Variants in NECTIN3 observed in about 807,000 individuals in gnomAD.
The protein encoded by NECTIN3 is nectin-3.
A neutral mutation model predicts 49.4 loss-of-function variants in NECTIN3; 8 were observed. That is an observed-to-expected ratio of 0.16 (90% CI 0.10 to 0.29). The LOEUF is 0.29. NECTIN3 is among the 10% of genes least tolerant of loss of function. The probability of loss-of-function intolerance (pLI) is 1.00; values close to 1 mark genes in which losing one functional copy is unlikely to be tolerated. For synonymous variants in NECTIN3, 277 were observed against 241.1 expected, an observed-to-expected ratio of 1.15 and a Z score of -1.38; for missense variants, 581 against 654.6, an observed-to-expected ratio of 0.89 and a Z score of 1.23.
At chr3:111,103,174 G>A (rs902452003) in intron 1 of NECTIN3, among the ~76,000 whole-genome samples, 1 of 152,086 alleles carries the variant, frequency 6.6e-6, no homozygotes, top group African/African-American at 2.4e-5. Flanking sequence ...TTTGTTGCTA[G>A]CCACAAAATA....
intron 2 of NECTIN3, among the ~76,000 whole-genome samples, chr3:111,116,879 A>T (rs947803480): frequency 6.6e-6 from 1 of 152,070 alleles, no homozygotes; most frequent in Non-Finnish European, 1.5e-5. Flanking sequence ...TGGTGAGTAT[A>T]TGGACCAGCA....
intron 6 of NECTIN3, among the ~76,000 whole-genome samples, chr3:111,147,038 A>G (rs934894986): frequency 1.3e-5 from 2 of 152,192 alleles, no homozygotes; most frequent in Non-Finnish European, 2.9e-5. Flanking sequence ...AACATTTCTC[A>G]TGACACTTTG....
Position 111,143,003 on chromosome 3 carries a change from C to T in NECTIN3, c.1001-1896C>T, listed in dbSNP as rs1382072. Reference sequence around the variant, plus strand: ...GTGCCACTGACTAGAGATGTATGACCTTGGTCAAATTGCATAACCTTAATA... The same window carrying T: ...GTGCCACTGACTAGAGATGTATGACTTTGGTCAAATTGCATAACCTTAATA... On this transcript the variant is annotated intron_variant, in intron 5 of 8. Coordinates refer to the NECTIN3 transcript ENST00000493615. 5.1e-3 allele frequency among the ~76,000 whole-genome samples: 777 copies of T among 151,860 alleles called. 15 individuals are homozygous for T. Among genetic ancestry groups the T allele is most frequent in the East Asian group, 0.044 (229 of 5,178 alleles).
intron 4 of NECTIN3, among the ~76,000 whole-genome samples, chr3:111,125,357 A>G (rs1250864577): frequency 2.6e-5 from 4 of 151,916 alleles, no homozygotes; most frequent in Non-Finnish European, 4.4e-5. Context: ...CCAAAAACAA[A>G]CAAACAAAAA....
intron 1 of NECTIN3, among the ~76,000 whole-genome samples, chr3:111,081,823 C>T (rs897708484): frequency 6.6e-6 from 1 of 152,114 alleles, no homozygotes; most frequent in Non-Finnish European, 1.5e-5. Context: ...GTGACTCAAG[C>T]ATGAACTTTA....
intron 1 of NECTIN3, among the ~76,000 whole-genome samples, chr3:111,084,475 A>G (rs1379078483): frequency 6.6e-6 from 1 of 152,230 alleles, no homozygotes; most frequent in Non-Finnish European, 1.5e-5. Flanking sequence ...ACTGTGAAAG[A>G]CTAGCCGATA....
chr3:111,131,921 A>G (rs764925048), intron 5 of NECTIN3, among the ~76,000 whole-genome samples: 42 of 152,004 alleles, frequency 2.8e-4, no homozygotes, highest in Middle Eastern at 3.4e-3. Context: ...TGCTGATGCC[A>G]GTTTATTATA....
intron 1 of NECTIN3, among the ~76,000 whole-genome samples, chr3:111,081,299 A>G (rs1199474817): frequency 6.6e-6 from 1 of 151,966 alleles, no homozygotes; most frequent in East Asian, 2.0e-4. Context: ...AACAAAAGAC[A>G]AAACAAAACA....
chr3:111,144,690 A>C (rs2034831745), intron 5 of NECTIN3, among the ~76,000 whole-genome samples: 1 of 152,032 alleles, frequency 6.6e-6, no homozygotes, highest in Non-Finnish European at 1.5e-5. Flanking sequence ...ATTTTTAAAA[A>C]GTTAAGCTGA....
intron 1 of NECTIN3, among the ~76,000 whole-genome samples, chr3:111,082,473 A>C (rs1334981821): frequency 6.6e-6 from 1 of 152,154 alleles, no homozygotes; most frequent in East Asian, 1.9e-4. Context: ...TTTTGATTGG[A>C]TAAGCTATCG....
intron 1 of NECTIN3, among the ~76,000 whole-genome samples, chr3:111,099,635 A>C (rs559217106): frequency 6.6e-6 from 1 of 152,148 alleles, no homozygotes; most frequent in South Asian, 2.1e-4. Context: ...CTTAACCTTC[A>C]GTTGTCTTAG....
chr3:111,095,777 C>A (rs1279102077), intron 1 of NECTIN3, among the ~76,000 whole-genome samples: 1 of 152,188 alleles, frequency 6.6e-6, no homozygotes, highest in East Asian at 1.9e-4. Context: ...ATGCCTGTAG[C>A]CATCCATGTA....
At chr3:111,094,028 T>C (rs1226033964) in intron 1 of NECTIN3, among the ~76,000 whole-genome samples, 1 of 152,074 alleles carries the variant, frequency 6.6e-6, no homozygotes, top group Non-Finnish European at 1.5e-5. Context: ...ATATAAATTG[T>C]CATTGATTAA....
intron 1 of NECTIN3, among the ~76,000 whole-genome samples, chr3:111,079,426 C>T (rs2031450290): frequency 6.6e-6 from 1 of 151,772 alleles, no homozygotes; most frequent in African/African-American, 2.4e-5. Context: ...CTCAGATTCC[C>T]TACTAATTTG....
At chr3:111,194,124 A>G (rs2035864344) in intron 1 of NECTIN3, among the ~76,000 whole-genome samples, 1 of 152,172 alleles carries the variant, frequency 6.6e-6, no homozygotes. Context: ...TTTACTAGCT[A>G]GATTAGCCTA....
intron 7 of NECTIN3, among the ~76,000 whole-genome samples, chr3:111,180,612 T>A (rs905137824): frequency 2.0e-5 from 3 of 152,194 alleles, no homozygotes; most frequent in Admixed American, 2.0e-4. Flanking sequence ...ACTTAATAGA[T>A]ATGAGTGTAA....
At chr3:111,103,388 T>C (rs533341205) in intron 1 of NECTIN3, among the ~76,000 whole-genome samples, 159 of 152,174 alleles carry the variant, frequency 1.0e-3, no homozygotes, top group African/African-American at 3.7e-3. Flanking sequence ...GTGGGTGCTA[T>C]GTAAATTTGT....
intron 5 of NECTIN3, among the ~76,000 whole-genome samples, chr3:111,142,842 C>T (rs762327076): frequency 6.6e-6 from 1 of 151,508 alleles, no homozygotes; most frequent in African/African-American, 2.4e-5. Context: ...AAAATAAGAA[C>T]AAAAATTTAA....
At position 111,192,875 on chromosome 3, in the gene NECTIN3, A is replaced by G. The variant is rs189672668; in HGVS notation, c.63+462A>G. Among the ~76,000 whole-genome samples, 3 of 152,290 alleles carry G rather than the reference A, an allele frequency of 2.0e-5. No individual in the cohort carries two copies. In the East Asian group the frequency reaches 5.8e-4, roughly 29 times the overall value. The stretch of plus-strand genomic sequence containing the variant: ...TCATTTCAAGCTTGAGCCTTGCTTA[A>G]GAGACTTCTGAGGTTTATAACCCTG... On this transcript the variant is annotated intron_variant, in intron 1 of 1. Coordinates refer to the NECTIN3 transcript ENST00000485506.
Sources: gnomAD v4.1 joint callset for allele counts (sites outside exome capture counted in the v4.1 genomes callset) on GRCh38, gnomAD v4.1.1 for gene constraint, MANE v1.5 for transcripts, NCBI Gene and HGNC (gene_info 2026-07-23, HGNC 2026-07-21) for gene names.